The following RPL14 variants were observed in gnomAD, a reference collection of about 807,000 sequenced individuals.
RPL14 encodes ribosomal protein L14.
RPL14 carries 4 observed loss-of-function variants against 25.3 expected under a neutral mutation model. The ratio of observed to expected loss-of-function variants is 0.16; its 90% CI spans 0.08 to 0.36. The LOEUF (loss-of-function observed/expected upper bound fraction) is 0.36, where lower values mean the gene tolerates loss of function less well. RPL14 is among the 10% of genes least tolerant of loss of function. The pLI, the probability that RPL14 is intolerant of heterozygous loss-of-function variation, is 1.00. For synonymous variants in RPL14, 75 were observed against 89.8 expected (o/e 0.84, Z 0.93); for missense variants, 212 against 261.9 (o/e 0.81, Z 1.31).
Position 40,463,595 on chromosome 3 carries a change from C to T in RPL14, c.*1363C>T, listed in dbSNP as rs922089858. 6 of 152,166 alleles carry T rather than the reference C, an allele frequency of 3.9e-5. No individual in the cohort carries two copies. Among genetic ancestry groups the T allele is most frequent in the South Asian group, 2.1e-4 (1 of 4,824 alleles). The allele number at this position is 152,166 out of a possible 1,614,324, so 9.4% of individuals were successfully genotyped here. On this transcript the variant is annotated 3_prime_UTR_variant, in exon 6 of 6. Transcript: ENST00000396203. The stretch of plus-strand genomic sequence containing the variant: ...ATATTTCTAATCCAAAAAGCTCTAA[C>T]CTCTGAAACTGAGCTATGACACTAC...
In RPL14 at chr3:40,468,219, G is replaced by T. The variant is rs1041488540; in HGVS notation, c.*5987G>T. On this transcript the variant is annotated 3_prime_UTR_variant, in exon 6 of 6. Transcript: ENST00000396203. ...CTGTACACAATGATGTTTATCTGATGCACATTGCCAATCAGTGCACTTGCT... is the reference window on the plus strand; with the variant it reads ...CTGTACACAATGATGTTTATCTGATTCACATTGCCAATCAGTGCACTTGCT... 6.6e-6 allele frequency: 1 copy of T among 152,220 alleles called. No individual in the cohort carries two copies. The highest frequency in any genetic ancestry group is 2.4e-5 in the African/African-American group (1 of 41,450). The allele number at this position is 152,220 out of a possible 1,614,324, so 9.4% of individuals were successfully genotyped here.
intron 2 of RPL14, chr3:40,458,406 T>C: frequency 3.7e-6 from 2 of 543,460 alleles, no homozygotes; most frequent in Non-Finnish European, 6.5e-6. Context: ...TTGGTTTCTA[T>C]GGGGTACTAT....
chr3:40,458,368 C>A, intron 2 of RPL14: 1 of 522,646 alleles, frequency 1.9e-6, no homozygotes, highest in Non-Finnish European at 3.4e-6. Context: ...GGATCAGAGT[C>A]CTAAAGTTGC....
chr3:40,460,381 G>A (rs1174462830), intron 3 of RPL14, among the ~76,000 whole-genome samples: 1 of 151,992 alleles, frequency 6.6e-6, no homozygotes, highest in East Asian at 1.9e-4. Context: ...AGCCCAGTGT[G>A]GTAGTGTACT....
chr3:40,457,393 C>G lies in RPL14; in HGVS notation c.-79C>G, dbSNP rs186560362. ...GTCTTACTGTTGCGGGCTCCGGGGC[C>G]GTCGACCATGCCGCTCGACCTCCAC... On this transcript the variant is annotated 5_prime_UTR_variant, in exon 1 of 6. Coordinates refer to ENST00000396203, the MANE Select transcript of RPL14 (RefSeq NM_001034996.3). 3.7e-6 allele frequency: 6 copies of G among 1,601,812 alleles called. No individual in the cohort carries two copies. The highest frequency in any genetic ancestry group is 4.6e-5 in the East Asian group (2 of 43,756).
chr3:40,457,558 G>C, intron 1 of RPL14, 84 bp downstream of exon 1: 1 of 1,207,620 alleles, frequency 8.3e-7, no homozygotes, highest in Non-Finnish European at 1.2e-6. Context: ...TGGCGAGCGC[G>C]TGGAGGGCCC....
intron 3 of RPL14, among the ~76,000 whole-genome samples, chr3:40,459,638 G>A (rs536767727): frequency 6.6e-6 from 1 of 152,158 alleles, no homozygotes; most frequent in South Asian, 2.1e-4. Flanking sequence ...GGTGGATCAC[G>A]AGGTCAGGAG....
In RPL14 at chr3:40,457,913, T is replaced by G; in HGVS notation, c.27T>G (p.Val9=). The G allele has an allele frequency of 6.2e-7, 1 of 1,614,254 alleles. No homozygotes were observed. Among genetic ancestry groups the G allele is most frequent in the Non-Finnish European group, 8.5e-7 (1 of 1,180,034 alleles). ...AGGTGTTCAGGCGCTTCGTGGAGGT[T>G]GGCCGGGTGGCCTATGTCTCCTTTG... MVFRRFVE[V]GRVAYVSFGP... is the part of the protein sequence containing the mutation. The change falls in exon 2 of 6, where the codon GTT becomes GTG. Residue 9 remains valine, a synonymous_variant. Transcript: ENST00000396203.
Position 40,457,393 on chromosome 3 carries a change from C to A in RPL14, c.-79C>A. ...GTCTTACTGTTGCGGGCTCCGGGGC[C>A]GTCGACCATGCCGCTCGACCTCCAC... On this transcript the variant is annotated 5_prime_UTR_variant, in exon 1 of 6. Transcript: ENST00000396203. The A allele has an allele frequency of 6.2e-7, 1 of 1,601,930 alleles. No individual in the cohort carries two copies. The highest frequency in any genetic ancestry group is 8.5e-7 in the Non-Finnish European group (1 of 1,173,756).
intron 1 of RPL14, 23 bp from the exon 2 acceptor site, chr3:40,457,867 T>G (rs1222914707): frequency 6.2e-7 from 1 of 1,604,866 alleles, no homozygotes; most frequent in South Asian, 1.1e-5. Context: ...TAAGTTTCAC[T>G]GTCCTTTCTC....
chr3:40,464,593 T>C lies in RPL14; in HGVS notation c.*2361T>C, dbSNP rs1241626154. ...GATCGTGTAGGGGAACACGGGAAGCTACTGAGGGTTTTTTAAAATGGCGTG... is the reference window on the plus strand; with the variant it reads ...GATCGTGTAGGGGAACACGGGAAGCCACTGAGGGTTTTTTAAAATGGCGTG... On this transcript the variant is annotated 3_prime_UTR_variant, in exon 6 of 6. Transcript: ENST00000396203. The C allele has an allele frequency of 2.2e-6, 1 of 444,730 alleles. No individual in the cohort carries two copies. 27.5% of individuals were successfully genotyped at this position (444,730 alleles called of 1,614,324 possible).
At position 40,464,052 on chromosome 3, in the gene RPL14, C is replaced by T. The variant is rs144887444; in HGVS notation, c.*1820C>T. The T allele has an allele frequency of 4.2e-3, 687 of 165,248 alleles. 2 individuals carry two copies. The highest frequency in any genetic ancestry group is 6.0e-3 in the Non-Finnish European group (454 of 75,648). The allele number at this position is 165,248 out of a possible 1,614,324, so 10.2% of individuals were successfully genotyped here. ...TGGCACGATCTCAGCTCACTGCGAC[C>T]TCCACCTCCCAGGTTCAAGTTGTTC... On this transcript the variant is annotated 3_prime_UTR_variant, in exon 6 of 6. Coordinates refer to ENST00000396203, the MANE Select transcript of RPL14 (RefSeq NM_001034996.3).
At chr3:40,460,902 A>G (rs1284952138) in intron 3 of RPL14, among the ~76,000 whole-genome samples, 2 of 151,610 alleles carry the variant, frequency 1.3e-5, no homozygotes, top group African/African-American at 2.4e-5. Flanking sequence ...TTTTAAATTC[A>G]TAAAATGGGC....
At position 40,461,489 on chromosome 3, in the gene RPL14, A is replaced by G. The variant is rs1320005499; in HGVS notation, c.283A>G (p.Ile95Val). The change falls in exon 4 of 6, where the codon ATT becomes GTT. Residue 95 changes from isoleucine to valine, a missense_variant. Coordinates refer to ENST00000396203, the MANE Select transcript of RPL14 (RefSeq NM_001034996.3). ...GGCAGCCACACGATGGGCCAAGAAG[A>G]TTGAAGCCAGAGAAAGGGTAATAAC... ...KWAATRWAKK[I>V]EARERKAKMT... 1 of 1,614,132 alleles carries G rather than the reference A, an allele frequency of 6.2e-7. No homozygotes were observed. Among genetic ancestry groups the G allele is most frequent in the South Asian group, 1.1e-5 (1 of 91,070 alleles).
chr3:40,457,665 G>C (rs975176173), intron 1 of RPL14, 191 bp downstream of exon 1: 4 of 658,908 alleles, frequency 6.1e-6, no homozygotes, highest in Admixed American at 5.7e-5. Flanking sequence ...GTCCTGCCGT[G>C]TGGGCCTTGC....
At chr3:40,459,633 A>T (rs1277422404) in intron 3 of RPL14, among the ~76,000 whole-genome samples, 1 of 152,100 alleles carries the variant, frequency 6.6e-6, no homozygotes, top group Non-Finnish European at 1.5e-5. Context: ...AGGCGGGTGG[A>T]TCACGAGGTC....
chr3:40,464,421 T>C lies in RPL14; in HGVS notation c.*2189T>C. On this transcript the variant is annotated 3_prime_UTR_variant, in exon 6 of 6. Coordinates refer to ENST00000396203, the MANE Select transcript of RPL14 (RefSeq NM_001034996.3). ...GGATTACCTGTTCTACTCTGGGAGGTAGAGAATTGTCTAGAGAAAGTGGCA... is the reference window on the plus strand; with the variant it reads ...GGATTACCTGTTCTACTCTGGGAGGCAGAGAATTGTCTAGAGAAAGTGGCA... 2.2e-6 allele frequency: 1 copy of C among 455,344 alleles called. No homozygotes were observed. Among genetic ancestry groups the C allele is most frequent in the South Asian group, 1.6e-5 (1 of 64,478 alleles). 28.2% of individuals were successfully genotyped at this position (455,344 alleles called of 1,614,324 possible).
intron 3 of RPL14, chr3:40,459,083 G>A (rs144998409): frequency 7.4e-6 from 2 of 271,886 alleles, no homozygotes; most frequent in South Asian, 7.2e-5. Flanking sequence ...GGGCCTTGGG[G>A]GTGCTGAGTT....
At chr3:40,461,195 A>T (rs897693517) in intron 3 of RPL14, among the ~76,000 whole-genome samples, 4 of 137,784 alleles carry the variant, frequency 2.9e-5, no homozygotes, top group Non-Finnish European at 4.6e-5. Context: ...ATCCTCTCTC[A>T]AAAAAAAAAA....
Sources: gnomAD v4.1 joint callset for allele counts (sites outside exome capture counted in the v4.1 genomes callset) on GRCh38, gnomAD v4.1.1 for gene constraint, MANE v1.5 for transcripts, NCBI Gene and HGNC (gene_info 2026-07-23, HGNC 2026-07-21) for gene names.